Variants in SEMA5A observed in about 807,000 individuals in gnomAD.
SEMA5A encodes semaphorin-5A.
Under a neutral mutation model 135.5 loss-of-function variants are expected in SEMA5A, and 55 were observed. The observed-to-expected ratio is 0.41, with a 90% confidence interval of 0.33 to 0.51. SEMA5A has a LOEUF of 0.51. Ranked by LOEUF, SEMA5A falls within the 20% of genes least tolerant of loss-of-function variation. The pLI, the probability that SEMA5A is intolerant of heterozygous loss-of-function variation, is 0.37. For synonymous variants in SEMA5A, 580 were observed against 546.5 expected (o/e 1.06, Z -0.85); for missense variants, 1,290 against 1,419.9 (o/e 0.91, Z 1.47).
chr5:9,462,330 G>A (rs904153534), intron 1 of SEMA5A, among the ~76,000 whole-genome samples: 1 of 152,158 alleles, frequency 6.6e-6, no homozygotes, highest in South Asian at 2.1e-4. Context: ...AATAACAGAT[G>A]CTGGCGTGGT....
chr5:9,538,727 A>G (rs971458740), intron 1 of SEMA5A, among the ~76,000 whole-genome samples: 14 of 152,218 alleles, frequency 9.2e-5, no homozygotes, highest in South Asian at 2.1e-4. Context: ...GCTTGTTTTC[A>G]TAACAGAGAT....
At chr5:9,436,631 T>A (rs1253658149) in intron 2 of SEMA5A, among the ~76,000 whole-genome samples, 1 of 152,158 alleles carries the variant, frequency 6.6e-6, no homozygotes, top group Non-Finnish European at 1.5e-5. Flanking sequence ...GTTTTGTGAA[T>A]GGGGAAAAAA....
chr5:9,396,244 G>A (rs952672118), intron 2 of SEMA5A, among the ~76,000 whole-genome samples: 18 of 75,984 alleles, frequency 2.4e-4, no homozygotes, highest in South Asian at 1.7e-3. Flanking sequence ...ATGCGCGTGC[G>A]TGCACACACA....
chr5:9,067,616 A>C (rs1242345802), intron 16 of SEMA5A, among the ~76,000 whole-genome samples: 1 of 152,108 alleles, frequency 6.6e-6, no homozygotes, highest in Non-Finnish European at 1.5e-5. Flanking sequence ...TTGCTCTATC[A>C]TTCCTCCACC....
chr5:9,066,701 C>T (rs906894748), intron 16 of SEMA5A, 55 bp from the exon 17 acceptor site: 29 of 1,470,086 alleles, frequency 2.0e-5, no homozygotes, highest in African/African-American at 6.9e-5. Context: ...AGCAACCTCA[C>T]GAAGGGCTCC....
intron 2 of SEMA5A, among the ~76,000 whole-genome samples, chr5:9,401,946 G>A (rs1756676938): frequency 6.6e-6 from 1 of 152,174 alleles, no homozygotes; most frequent in African/African-American, 2.4e-5. Context: ...AAGGCCCCGT[G>A]TATGTGTTGC....
intron 1 of SEMA5A, among the ~76,000 whole-genome samples, chr5:9,440,281 G>T (rs1455582336): frequency 1.3e-5 from 2 of 152,230 alleles, no homozygotes; most frequent in Non-Finnish European, 2.9e-5. Context: ...CTAGAAAACT[G>T]AGAAGAAAGC....
intron 17 of SEMA5A, among the ~76,000 whole-genome samples, chr5:9,064,667 G>A (rs1737366518): frequency 6.6e-6 from 1 of 152,076 alleles, no homozygotes; most frequent in South Asian, 2.1e-4. Flanking sequence ...AGGGGAGGGA[G>A]GTTGAGCCAT....
chr5:9,353,821 C>A (rs1169444364), intron 3 of SEMA5A, among the ~76,000 whole-genome samples: 1 of 152,092 alleles, frequency 6.6e-6, no homozygotes, highest in Non-Finnish European at 1.5e-5. Context: ...AAATAAAAAG[C>A]AAACCTTCTG....
At chr5:9,141,828 C>T (rs929365826) in intron 12 of SEMA5A, among the ~76,000 whole-genome samples, 9 of 152,282 alleles carry the variant, frequency 5.9e-5, no homozygotes, top group South Asian at 2.1e-4. Context: ...TACAATTCCT[C>T]GTGCCTATTA....
chr5:9,442,647 C>T (rs1207547620), intron 1 of SEMA5A, among the ~76,000 whole-genome samples: 1 of 152,150 alleles, frequency 6.6e-6, no homozygotes, highest in East Asian at 1.9e-4. Flanking sequence ...TAAACATCAA[C>T]ATTTAAAACC....
At chr5:9,439,855 G>T (rs1758169582) in intron 1 of SEMA5A, among the ~76,000 whole-genome samples, 1 of 152,222 alleles carries the variant, frequency 6.6e-6, no homozygotes, top group Admixed American at 6.5e-5. Flanking sequence ...CTTGGCTTGG[G>T]GGAAAACACA....
intron 3 of SEMA5A, among the ~76,000 whole-genome samples, chr5:9,339,273 T>G (rs750279755): frequency 6.6e-6 from 1 of 152,108 alleles, no homozygotes; most frequent in Non-Finnish European, 1.5e-5. Context: ...TATTCTTATA[T>G]GAAAAGAAGA....
At chr5:9,116,805 T>C (rs933441199) in intron 15 of SEMA5A, among the ~76,000 whole-genome samples, 1 of 152,238 alleles carries the variant, frequency 6.6e-6, no homozygotes, top group Non-Finnish European at 1.5e-5. Flanking sequence ...TCCTCAAACA[T>C]CTGCATTGTT....
intron 5 of SEMA5A, among the ~76,000 whole-genome samples, chr5:9,291,357 T>C (rs2150584876): frequency 6.6e-6 from 1 of 152,230 alleles, no homozygotes; most frequent in East Asian, 1.9e-4. Context: ...TCTACCACCT[T>C]GGATTCTGGA....
chr5:9,446,391 A>G (rs945005944), intron 1 of SEMA5A, among the ~76,000 whole-genome samples: 6 of 152,178 alleles, frequency 3.9e-5, no homozygotes, highest in African/African-American at 1.4e-4. Flanking sequence ...CAAGTGCTCA[A>G]AATGAGCAAT....
intron 4 of SEMA5A, among the ~76,000 whole-genome samples, chr5:9,322,637 C>T (rs947262960): frequency 1.3e-5 from 2 of 151,680 alleles, no homozygotes. Context: ...GAGTATATAC[C>T]CTTCAATTTA....
At chr5:9,409,050 C>T (rs994248700) in intron 2 of SEMA5A, among the ~76,000 whole-genome samples, 3 of 152,092 alleles carry the variant, frequency 2.0e-5, no homozygotes, top group Middle Eastern at 3.2e-3. Context: ...AAAGGGTAGT[C>T]GTTTACCCAA....
At chr5:9,104,676 C>A (rs1739809987) in intron 16 of SEMA5A, among the ~76,000 whole-genome samples, 1 of 152,152 alleles carries the variant, frequency 6.6e-6, no homozygotes, top group South Asian at 2.1e-4. Context: ...AGAAGTAGAA[C>A]AGCAGGTCAA....
Sources: allele counts gnomAD v4.1 joint callset (sites outside exome capture counted in the v4.1 genomes callset), GRCh38; gene constraint gnomAD v4.1.1; transcripts MANE v1.5; gene names NCBI Gene and HGNC (gene_info 2026-07-23, HGNC 2026-07-21).